EIF4E: variants seen among roughly 807,000 people sequenced by gnomAD.
EIF4E encodes the protein eIF-4F 25 kDa subunit.
For missense variants in EIF4E, 113 were observed against 265.6 expected (o/e 0.43, Z 3.99); for synonymous variants, 71 against 88.5 (o/e 0.80, Z 1.11).
chr4:98,914,840 A>T (rs1473245902), intron 1 of EIF4E, among the ~76,000 whole-genome samples: 1 of 152,182 alleles, frequency 6.6e-6, no homozygotes, highest in Non-Finnish European at 1.5e-5. Context: ...CTGTTGTAGG[A>T]TGTTGACACT....
At chr4:98,922,628 G>A (rs980243654) in intron 1 of EIF4E, among the ~76,000 whole-genome samples, 3 of 151,558 alleles carry the variant, frequency 2.0e-5, no homozygotes, top group African/African-American at 7.3e-5. Flanking sequence ...TAGAATAAGT[G>A]CTATGTGTAG....
intron 3 of EIF4E, among the ~76,000 whole-genome samples, chr4:98,888,468 T>A (rs566157323): frequency 2.8e-4 from 43 of 152,278 alleles, no homozygotes; most frequent in Admixed American, 1.0e-3. Context: ...CTGTCACTGG[T>A]TAGTCAACAT....
chr4:98,905,011 A>G (rs1458859577), intron 1 of EIF4E, among the ~76,000 whole-genome samples: 1 of 152,118 alleles, frequency 6.6e-6, no homozygotes, highest in Non-Finnish European at 1.5e-5. Flanking sequence ...AAAATATTTC[A>G]AGAAACAAGT....
intron 1 of EIF4E, chr4:98,909,979 AT>A: frequency 2.1e-6 from 1 of 479,810 alleles, no homozygotes; most frequent in Non-Finnish European, 3.6e-6. Flanking sequence ...GTAAATTAGT[AT>A]AATTAATTAA....
chr4:98,889,668 A>AG (rs1724069612), intron 3 of EIF4E, among the ~76,000 whole-genome samples: 3 of 152,350 alleles, frequency 2.0e-5, no homozygotes, highest in Admixed American at 6.5e-5. Flanking sequence ...ATAAAAACCT[A>AG]CTATGTAATG....
intron 1 of EIF4E, among the ~76,000 whole-genome samples, chr4:98,909,332 T>G (rs1725008810): frequency 6.6e-6 from 1 of 152,238 alleles, no homozygotes; most frequent in Admixed American, 6.5e-5. Context: ...GTAAACAGAC[T>G]TCATACGTTT....
intron 6 of EIF4E, among the ~76,000 whole-genome samples, chr4:98,884,148 T>C (rs765317936): frequency 3.9e-5 from 6 of 152,158 alleles, no homozygotes; most frequent in African/African-American, 7.2e-5. Context: ...AGATATGTTA[T>C]ATAAATTTTA....
intron 1 of EIF4E, among the ~76,000 whole-genome samples, chr4:98,905,283 A>G (rs1401774847): frequency 6.6e-6 from 1 of 152,272 alleles, no homozygotes; most frequent in East Asian, 1.9e-4. Context: ...CTAGGTTTAT[A>G]AACTACTTGG....
intron 1 of EIF4E, among the ~76,000 whole-genome samples, chr4:98,907,929 A>C (rs1724946547): frequency 6.6e-6 from 1 of 152,208 alleles, no homozygotes; most frequent in Non-Finnish European, 1.5e-5. Context: ...GAGTTTAGAA[A>C]GGTAAGAGCT....
chr4:98,928,634 A>G (rs1361342063), intron 1 of EIF4E, among the ~76,000 whole-genome samples: 1 of 151,838 alleles, frequency 6.6e-6, no homozygotes, highest in East Asian at 2.0e-4. Flanking sequence ...CGAGCCCCGG[A>G]GCTGGGGTTC....
intron 1 of EIF4E, among the ~76,000 whole-genome samples, chr4:98,928,207 G>C (rs1307202412): frequency 1.3e-5 from 2 of 152,130 alleles, no homozygotes; most frequent in African/African-American, 2.4e-5. Flanking sequence ...AATGGAAGAC[G>C]GGCGCGTGTG....
intron 1 of EIF4E, among the ~76,000 whole-genome samples, chr4:98,917,165 C>G (rs1379160548): frequency 1.3e-5 from 2 of 150,382 alleles, no homozygotes; most frequent in African/African-American, 4.9e-5. Flanking sequence ...GTGTCCAGCC[C>G]AGACTTTTAT....
In EIF4E at chr4:98,919,501, A is replaced by C. The variant is rs138486574; in HGVS notation, c.18+9594T>G. 3.9e-3 allele frequency among the ~76,000 whole-genome samples: 596 copies of C among 151,910 alleles called. 4 individuals carry two copies. The highest frequency in any genetic ancestry group is 0.014 in the African/African-American group (575 of 41,450). On this transcript the variant is annotated intron_variant, in intron 1 of 6. Coordinates refer to ENST00000450253, the MANE Select transcript of EIF4E (RefSeq NM_001968.5). ...ATCCAGTTATACCTTATAAAGTTGA[A>C]CTAAATACAATATGTATACATACAT...
intron 1 of EIF4E, 44 bp from the exon 2 acceptor site, chr4:98,902,026 C>T: frequency 6.6e-7 from 1 of 1,521,360 alleles, no homozygotes; most frequent in Non-Finnish European, 9.1e-7. Context: ...TGTCTTAACA[C>T]ATCTATGACA....
chr4:98,917,131 CACAAAAAA>C (rs1393201118), intron 1 of EIF4E, among the ~76,000 whole-genome samples: 2 of 52,558 alleles, frequency 3.8e-5, no homozygotes, highest in East Asian at 2.6e-4. Context: ...CACACACACA[CACAAAAAA>C]AACCCAAATG....
At chr4:98,911,841 T>TAACACAGACAC (rs1239863629) in intron 1 of EIF4E, among the ~76,000 whole-genome samples, 1 of 150,548 alleles carries the variant, frequency 6.6e-6, no homozygotes, top group Non-Finnish European at 1.5e-5. Flanking sequence ...GGGGAGGTGA[T>TAACACAGACAC]AACACAGACA....
At chr4:98,892,155 T>C (rs1358400343) in intron 2 of EIF4E, among the ~76,000 whole-genome samples, 9 of 150,774 alleles carry the variant, frequency 6.0e-5, no homozygotes, top group Admixed American at 6.0e-4. Context: ...GAGACCAGCC[T>C]GATCAACATG....
At chr4:98,925,724 C>A (rs1725837437) in intron 1 of EIF4E, among the ~76,000 whole-genome samples, 1 of 152,112 alleles carries the variant, frequency 6.6e-6, no homozygotes, top group Admixed American at 6.5e-5. Flanking sequence ...GCAGGAAAAG[C>A]CCATGGCTCT....
chr4:98,891,030 A>G (rs1334509532), intron 3 of EIF4E: 3 of 615,716 alleles, frequency 4.9e-6, no homozygotes, highest in African/African-American at 1.9e-5. Flanking sequence ...ACAAGAAACA[A>G]TAATTGGGGC....
Sources: allele counts gnomAD v4.1 joint callset (sites outside exome capture counted in the v4.1 genomes callset), GRCh38; gene constraint gnomAD v4.1.1; transcripts MANE v1.5; gene names NCBI Gene and HGNC (gene_info 2026-07-23, HGNC 2026-07-21).